The following MAPRE2 variants were observed in gnomAD, a reference collection of about 807,000 sequenced individuals.
MAPRE2 encodes the protein microtubule associated protein RP/EB family member 2, also known as microtubule-associated protein RP/EB family member 2.
Under a neutral mutation model 43.2 loss-of-function variants are expected in MAPRE2, and 13 were observed. That is an observed-to-expected ratio of 0.30 (90% confidence interval 0.20 to 0.48). MAPRE2 has a LOEUF of 0.48. MAPRE2 is among the 20% of genes least tolerant of loss of function. The pLI is 0.99. For missense variants in MAPRE2, 161 were observed against 400.2 expected (o/e 0.40, Z 5.10); for synonymous variants, 135 against 148.8 (o/e 0.91, Z 0.68).
Position 35,114,467 on chromosome 18 carries a change from G to A in MAPRE2, c.610+12308G>A, listed in dbSNP as rs77452681. 8.9e-3 allele frequency among the ~76,000 whole-genome samples: 1,358 copies of A among 152,260 alleles called. 14 individuals are homozygous for A. The highest frequency in any genetic ancestry group is 0.031 in the African/African-American group (1,294 of 41,548). On this transcript the variant is annotated intron_variant, in intron 4 of 6. Coordinates refer to ENST00000300249, the MANE Select transcript of MAPRE2 (RefSeq NM_014268.4). ...TTACTGTCTACATTTATAGATGCAG[G>A]AAATGTTAAAACCATTTGTTCCAGG...
intron 4 of MAPRE2, among the ~76,000 whole-genome samples, chr18:35,125,767 A>G (rs1247037491): frequency 2.6e-5 from 4 of 152,318 alleles, no homozygotes; most frequent in African/African-American, 7.2e-5. Flanking sequence ...CTAGGTAGTG[A>G]GAGTCTATTG....
chr18:35,137,052 C>T (rs1413852930), intron 6 of MAPRE2, among the ~76,000 whole-genome samples: 1 of 152,208 alleles, frequency 6.6e-6, no homozygotes, highest in Non-Finnish European at 1.5e-5. Context: ...TCCTGTGAGC[C>T]TGCAATAGCA....
chr18:35,057,395 C>T (rs1906287551), intron 1 of MAPRE2, among the ~76,000 whole-genome samples: 1 of 152,064 alleles, frequency 6.6e-6, no homozygotes, highest in African/African-American at 2.4e-5. Context: ...CTGTACTTCC[C>T]TTTGAAAATT....
chr18:35,084,273 CA>C (rs995871168), intron 2 of MAPRE2, among the ~76,000 whole-genome samples: 7 of 149,548 alleles, frequency 4.7e-5, no homozygotes, highest in African/African-American at 7.4e-5. Flanking sequence ...GACTCCATCT[CA>C]AAAAAAAATA....
At chr18:35,053,661 AGT>A (rs1304396236) in intron 1 of MAPRE2, among the ~76,000 whole-genome samples, 2 of 152,166 alleles carry the variant, frequency 1.3e-5, no homozygotes, top group Admixed American at 1.3e-4. Flanking sequence ...TTAAGAGGAA[AGT>A]GTGCATAGAA....
In MAPRE2 at chr18:35,041,554, C is replaced by G. The variant is rs1256346100; in HGVS notation, c.15C>G (p.Thr5=). 6.2e-7 allele frequency: 1 copy of G among 1,614,104 alleles called. No homozygotes were observed. Among genetic ancestry groups the G allele is most frequent in the African/African-American group, 1.3e-5 (1 of 74,928 alleles). ...GGAGTGCGCCAATGCCTGGGCCGAC[C>G]CAAACCCTGTCCCCAAATGGCGAGA... The part of the protein sequence containing the change: MPGP[T]QTLSPNGENN... The change falls in exon 1 of 7, where the codon ACC becomes ACG. Residue 5 remains threonine, a synonymous_variant. Transcript: ENST00000300249.
chr18:35,035,350 T>TG (rs1041300713), intron 2 of MAPRE2, among the ~76,000 whole-genome samples: 1 of 82,920 alleles, frequency 1.2e-5, no homozygotes, highest in African/African-American at 4.8e-5. Flanking sequence ...CATCACACTC[T>TG]GGGGACGGTT....
intron 1 of MAPRE2, among the ~76,000 whole-genome samples, chr18:34,987,289 T>A (rs547179973): frequency 1.3e-5 from 2 of 152,332 alleles, no homozygotes; most frequent in South Asian, 4.1e-4. Context: ...TCCAAGTGAT[T>A]GCAATGATGC....
At chr18:35,046,670 A>G (rs1014939384) in intron 1 of MAPRE2, among the ~76,000 whole-genome samples, 1 of 152,210 alleles carries the variant, frequency 6.6e-6, no homozygotes, top group Non-Finnish European at 1.5e-5. Flanking sequence ...CTAAAAGGAA[A>G]ACGGGATCCC....
chr18:35,066,680 A>G (rs771252505), intron 1 of MAPRE2, among the ~76,000 whole-genome samples: 1 of 152,258 alleles, frequency 6.6e-6, no homozygotes, highest in African/African-American at 2.4e-5. Flanking sequence ...CAGGAATAGA[A>G]TCCTTTTTCC....
intron 4 of MAPRE2, among the ~76,000 whole-genome samples, chr18:35,107,848 G>A (rs558686911): frequency 9.2e-5 from 14 of 152,016 alleles, no homozygotes; most frequent in African/African-American, 3.1e-4. Context: ...TTGCTGCAGA[G>A]TCTGTTGAAT....
intron 2 of MAPRE2, among the ~76,000 whole-genome samples, chr18:35,010,977 T>C (rs1471579592): frequency 2.0e-5 from 3 of 152,190 alleles, no homozygotes; most frequent in African/African-American, 7.2e-5. Flanking sequence ...TTGAAATGTC[T>C]CAAGCAAAAT....
At chr18:35,037,675 C>A (rs1333447680), upstream of MAPRE2, among the ~76,000 whole-genome samples, 1 of 151,636 alleles carries the variant, frequency 6.6e-6, no homozygotes, top group East Asian at 1.9e-4. Context: ...TTTTTTTTCC[C>A]TTAGGATGAC....
chr18:35,086,281 A>G (rs922525760), intron 2 of MAPRE2, among the ~76,000 whole-genome samples: 3 of 151,928 alleles, frequency 2.0e-5, no homozygotes, highest in Admixed American at 1.3e-4. Flanking sequence ...TGTATATATG[A>G]GATACATATA....
intron 1 of MAPRE2, among the ~76,000 whole-genome samples, chr18:35,064,000 T>TAAAAAAGA (rs1906696748): frequency 2.9e-5 from 1 of 33,952 alleles, no homozygotes; most frequent in Non-Finnish European, 5.1e-5. Context: ...CCTGTCTCTT[T>TAAAAAAGA]AAAAAAAAAA....
chr18:35,090,363 A>G (rs777974138), intron 2 of MAPRE2, among the ~76,000 whole-genome samples: 2 of 152,208 alleles, frequency 1.3e-5, no homozygotes, highest in Non-Finnish European at 2.9e-5. Flanking sequence ...AACCACTTCT[A>G]TTCAACATTG....
At chr18:35,089,305 A>G (rs1468362188) in intron 2 of MAPRE2, among the ~76,000 whole-genome samples, 4 of 152,226 alleles carry the variant, frequency 2.6e-5, no homozygotes, top group African/African-American at 9.6e-5. Context: ...GAATAGCTAA[A>G]TTGGATTTTA....
chr18:35,001,785 T>C (rs375466315), intron 1 of MAPRE2, among the ~76,000 whole-genome samples: 4 of 152,140 alleles, frequency 2.6e-5, no homozygotes, highest in African/African-American at 9.7e-5. Context: ...GCTTTGGGGC[T>C]TTTGCTTTTC....
chr18:35,034,784 C>T (rs984188517), intron 2 of MAPRE2, among the ~76,000 whole-genome samples: 2 of 152,192 alleles, frequency 1.3e-5, no homozygotes, highest in South Asian at 2.1e-4. Context: ...CTGGCCATCA[C>T]AGAAATGCAA....
Sources: gnomAD v4.1 joint callset for allele counts (sites outside exome capture counted in the v4.1 genomes callset) on GRCh38, gnomAD v4.1.1 for gene constraint, MANE v1.5 for transcripts, NCBI Gene and HGNC (gene_info 2026-07-23, HGNC 2026-07-21) for gene names.